LIPA: variants seen among roughly 807,000 people sequenced by gnomAD.
The protein encoded by LIPA is lipase A, lysosomal acid type.
A neutral mutation model predicts 40.6 loss-of-function variants in LIPA; 26 were observed. That is an observed-to-expected ratio of 0.64 (90% CI 0.47 to 0.89). The LOEUF is 0.89. Ranked by LOEUF, LIPA falls within the 40% of genes least tolerant of loss-of-function variation. The pLI, the probability that LIPA is intolerant of heterozygous loss-of-function variation, is 0.00. For missense variants in LIPA, 455 were observed against 479.6 expected, an observed-to-expected ratio of 0.95 and a Z score of 0.48; for synonymous variants, 188 against 168.4, an observed-to-expected ratio of 1.12 and a Z score of -0.90.
In LIPA at chr10:89,334,478, C is replaced by CTTTTTTTTTTTTTTTTTTTTTTTT. The variant is rs578154457; in HGVS notation, c.-2+8109_-2+8132dup. On this transcript the variant is annotated intron_variant, in intron 1 of 5. Transcript: ENST00000282673. ...TGTTTTTTCTTCTTTTTCTTTTATTCTTTTTTTTTTTTTTTTTTTTTTTTT... is the reference window on the plus strand; with the variant it reads ...TGTTTTTTCTTCTTTTTCTTTTATTCTTTTTTTTTTTTTTTTTTTTTTTTTTTTTTTTTTTTTTTTTTTTTTTTT... Among the ~76,000 whole-genome samples the CTTTTTTTTTTTTTTTTTTTTTTTT allele has an allele frequency of 5.5e-4, 14 of 25,316 alleles. 1 individual carries two copies. The highest frequency in any genetic ancestry group is 9.0e-4 in the Non-Finnish European group (13 of 14,418). The allele number at this position is 25,316 out of a possible 152,430, so 16.6% of individuals were successfully genotyped here.
chr10:89,238,529 T>A (rs1378793785), intron 3 of LIPA, among the ~76,000 whole-genome samples: 4 of 152,140 alleles, frequency 2.6e-5, no homozygotes, highest in Non-Finnish European at 5.9e-5. Context: ...TTCATAAAGT[T>A]ACCCTGAATG....
At chr10:89,368,926 T>TCACA (rs3063812) in intron 2 of LIPA, among the ~76,000 whole-genome samples, 4,600 of 148,768 alleles carry the variant, frequency 0.031, 80 homozygotes, top group African/African-American at 0.053. Context: ...AACACAAAAC[T>TCACA]CACACACACA....
chr10:89,249,573 C>T (rs1286824631), intron 1 of LIPA, among the ~76,000 whole-genome samples: 2 of 150,872 alleles, frequency 1.3e-5, no homozygotes, highest in South Asian at 2.1e-4. Flanking sequence ...AGGGAAGGAA[C>T]ACAAAAAAAT....
intron 1 of LIPA, among the ~76,000 whole-genome samples, chr10:89,251,372 A>G (rs1000090444): frequency 1.3e-5 from 2 of 152,184 alleles, no homozygotes; most frequent in African/African-American, 4.8e-5. Context: ...TGGAGGAGCT[A>G]AGGGGAGAGC....
chr10:89,266,759 A>G (rs926742771), intron 1 of LIPA, among the ~76,000 whole-genome samples: 1 of 152,238 alleles, frequency 6.6e-6, no homozygotes. Flanking sequence ...AACCTCATAA[A>G]TCTGTTCCAG....
At chr10:89,271,821 G>A (rs924620260) in intron 1 of LIPA, among the ~76,000 whole-genome samples, 2 of 152,144 alleles carry the variant, frequency 1.3e-5, no homozygotes, top group Non-Finnish European at 2.9e-5. Context: ...CAACAGTTTG[G>A]GAGGCCAAAG....
intron 1 of LIPA, among the ~76,000 whole-genome samples, chr10:89,342,204 A>G (rs1400933046): frequency 6.6e-6 from 1 of 152,154 alleles, no homozygotes; most frequent in African/African-American, 2.4e-5. Flanking sequence ...TTATACAATA[A>G]TTCTAATGAA....
At chr10:89,217,567 GC>G in intron 8 of LIPA, among the ~76,000 whole-genome samples, 1 of 152,206 alleles carries the variant, frequency 6.6e-6, no homozygotes, top group East Asian at 1.9e-4. Context: ...GGTGAAACTT[GC>G]CTATAGCTCA....
intron 2 of LIPA, chr10:89,392,602 ACT>A: frequency 8.3e-7 from 1 of 1,206,496 alleles, no homozygotes. Context: ...CTTATATAAC[ACT>A]GTCTTGGGGT....
intron 4 of LIPA, among the ~76,000 whole-genome samples, chr10:89,227,413 G>A (rs1267911227): frequency 6.6e-6 from 1 of 152,122 alleles, no homozygotes; most frequent in Non-Finnish European, 1.5e-5. Flanking sequence ...GTTTTCCGTT[G>A]TTACAAATAG....
At chr10:89,218,639 C>A (rs940364591) in intron 8 of LIPA, among the ~76,000 whole-genome samples, 1 of 152,162 alleles carries the variant, frequency 6.6e-6, no homozygotes, top group African/African-American at 2.4e-5. Context: ...CTCTCCCCTG[C>A]CTTCCTGTGA....
At chr10:89,265,522 A>G (rs1843231421) in intron 1 of LIPA, among the ~76,000 whole-genome samples, 1 of 152,266 alleles carries the variant, frequency 6.6e-6, no homozygotes, top group South Asian at 2.1e-4. Flanking sequence ...TACATAAACC[A>G]AGTGATACAG....
intron 2 of LIPA, among the ~76,000 whole-genome samples, chr10:89,373,251 C>T (rs11819073): frequency 0.23 from 34,450 of 147,882 alleles, 4,120 homozygotes; most frequent in African/African-American, 0.26. Context: ...AGGAGAATGG[C>T]GTGAACCCGG....
intron 1 of LIPA, among the ~76,000 whole-genome samples, chr10:89,327,450 C>T (rs937584143): frequency 1.3e-5 from 2 of 151,990 alleles, no homozygotes; most frequent in African/African-American, 2.4e-5. Context: ...ACTCGGGAGG[C>T]TGAGGCAAGA....
chr10:89,278,993 A>G (rs1197407675), intron 1 of LIPA, among the ~76,000 whole-genome samples: 1 of 152,230 alleles, frequency 6.6e-6, no homozygotes, highest in African/African-American at 2.4e-5. Flanking sequence ...GTTTTTACCA[A>G]CAATTGCTTG....
chr10:89,261,201 G>A (rs139360730), intron 1 of LIPA, among the ~76,000 whole-genome samples: 1 of 152,318 alleles, frequency 6.6e-6, no homozygotes, highest in East Asian at 1.9e-4. Context: ...AGAAGTCATA[G>A]CCAGAGGCCC....
chr10:89,384,358 A>G (rs1450731843), intron 2 of LIPA: 1 of 1,614,198 alleles, frequency 6.2e-7, no homozygotes, highest in East Asian at 2.2e-5. Context: ...CCTGGCTGAA[A>G]CGTATGCAGA....
intron 1 of LIPA, among the ~76,000 whole-genome samples, chr10:89,298,335 C>T (rs887282601): frequency 8.5e-5 from 13 of 152,202 alleles, no homozygotes; most frequent in African/African-American, 3.1e-4. Flanking sequence ...ACATGGCAAC[C>T]CTGTTCCCAG....
chr10:89,306,562 T>C, intron 1 of LIPA: 1 of 1,614,094 alleles, frequency 6.2e-7, no homozygotes, highest in Non-Finnish European at 8.5e-7. Context: ...GGCAAGCCAT[T>C]CGGCTGAATC....
Sources: gnomAD v4.1 joint callset for allele counts (sites outside exome capture counted in the v4.1 genomes callset) on GRCh38, gnomAD v4.1.1 for gene constraint, MANE v1.5 for transcripts, NCBI Gene and HGNC (gene_info 2026-07-23, HGNC 2026-07-21) for gene names.